Variants in GNAI2 observed in about 807,000 individuals in gnomAD.
The protein encoded by GNAI2 is G protein subunit alpha i2, also known as guanine nucleotide-binding protein G(i) subunit alpha-2.
Under a neutral mutation model 36.8 loss-of-function variants are expected in GNAI2, and 4 were observed. That is an observed-to-expected ratio of 0.11 (90% CI 0.05 to 0.25). GNAI2 has a LOEUF of 0.25. Among genes scored for constraint, GNAI2 ranks in the 10% least tolerant of loss-of-function variants. GNAI2 has a pLI of 1.00. For synonymous variants in GNAI2, 194 were observed against 194.1 expected (o/e 1.00, Z 0.01); for missense variants, 230 against 481.3 (o/e 0.48, Z 4.89).
intron 1 of GNAI2, chr3:50,246,962 C>T (rs1700439067): frequency 6.7e-7 from 1 of 1,502,874 alleles, no homozygotes; most frequent in Non-Finnish European, 8.9e-7. Flanking sequence ...CTGAATCAGC[C>T]TGTTAGCCGC....
Position 50,256,288 on chromosome 3 carries a change from G to A in GNAI2, c.561G>A (p.Glu187=), listed in dbSNP as rs1553703170. 3.1e-6 allele frequency: 5 copies of A among 1,613,614 alleles called. No homozygotes were observed. In the East Asian group the frequency reaches 8.9e-5, roughly 29 times the overall value. The change falls in exon 5 of 9, where the codon GAG becomes GAA. Residue 187 remains glutamate, a synonymous_variant. Transcript: ENST00000313601. The part of the protein sequence containing the change: ...RTRVKTTGIV[E]THFTFKDLHF... ...GCGTAAAGACCACGGGGATCGTGGA[G>A]ACACACTTCACCTTCAAGGACCTAC...
intron 1 of GNAI2, among the ~76,000 whole-genome samples, chr3:50,243,491 A>G (rs1257287048): frequency 6.6e-6 from 1 of 152,192 alleles, no homozygotes; most frequent in Admixed American, 6.5e-5. Context: ...GGGGCGGACA[A>G]AGGATCCCTG....
intron 1 of GNAI2, among the ~76,000 whole-genome samples, chr3:50,237,827 A>T (rs971818028): frequency 6.6e-6 from 1 of 151,592 alleles, no homozygotes; most frequent in Non-Finnish European, 1.5e-5. Flanking sequence ...TGAGAAGTGC[A>T]TGGGGGGGTG....
At chr3:50,244,486 A>G (rs1450984008) in intron 1 of GNAI2, among the ~76,000 whole-genome samples, 1 of 152,206 alleles carries the variant, frequency 6.6e-6, no homozygotes, top group Non-Finnish European at 1.5e-5. Context: ...AGCCTGGGGA[A>G]GGCTCAGAAG....
intron 1 of GNAI2, among the ~76,000 whole-genome samples, chr3:50,246,313 C>T (rs1308771338): frequency 6.6e-6 from 1 of 152,216 alleles, no homozygotes; most frequent in Non-Finnish European, 1.5e-5. Context: ...AAACGCTCCC[C>T]AGTGCTGCCC....
rs2109225249 is a variant in GNAI2, at chr3:50,259,104, G to A, written c.*761G>A. On this transcript the variant is annotated 3_prime_UTR_variant, in exon 9 of 9. Transcript: ENST00000313601. ...GCCCTCCACAGAATTGGGTTCCAAG[G>A]GCTGTTCCAGACAACTGCCAACGTC... The A allele has an allele frequency of 8.2e-6, 3 of 364,504 alleles. No individual in the cohort carries two copies. Among genetic ancestry groups the A allele is most frequent in the South Asian group, 6.3e-5 (3 of 47,828 alleles). 22.6% of individuals were successfully genotyped at this position (364,504 alleles called of 1,614,324 possible).
upstream of GNAI2, among the ~76,000 whole-genome samples, chr3:50,228,550 C>CA (rs587623155): frequency 0.013 from 1,225 of 94,712 alleles, 5 homozygotes; most frequent in Non-Finnish European, 0.02. Flanking sequence ...ACTCCGTCTC[C>CA]AAAAAAAAAA....
chr3:50,236,522 C>T lies in GNAI2; in HGVS notation c.118+69C>T, dbSNP rs1158489552. ...ATCCCCAGACAAGGACTTTGACCTC[C>T]CAGACTAGGGCTTCAAACTCCCAGA... On this transcript the variant is annotated intron_variant, in intron 1 of 8. Transcript: ENST00000313601. The surrounding 1 kb of genome is among the most constrained non-coding windows in gnomAD (Gnocchi z 4.0). 2.6e-6 allele frequency: 4 copies of T among 1,526,534 alleles called. No homozygotes were observed. The African/African-American group carries it at 5.8e-5, about 22-fold the overall frequency. 94.6% of individuals were successfully genotyped at this position (1,526,534 alleles called of 1,614,324 possible).
At chr3:50,228,381 G>A (rs911780300), upstream of GNAI2, among the ~76,000 whole-genome samples, 4 of 151,954 alleles carry the variant, frequency 2.6e-5, no homozygotes, top group South Asian at 4.2e-4. Flanking sequence ...GCAAAACCCC[G>A]TCTCTACCAA....
intron 5 of GNAI2, 87 bp downstream of exon 5, chr3:50,256,407 C>A: frequency 2.3e-6 from 3 of 1,280,400 alleles, no homozygotes; most frequent in Non-Finnish European, 3.4e-6. Context: ...GATCCCCCAG[C>A]CCCACTGAGG....
intron 1 of GNAI2, among the ~76,000 whole-genome samples, chr3:50,250,645 A>G (rs1479846390): frequency 2.0e-5 from 3 of 152,116 alleles, no homozygotes; most frequent in Non-Finnish European, 4.4e-5. Flanking sequence ...GCAGCAAGGG[A>G]GCAAGGTCAA....
upstream of GNAI2, among the ~76,000 whole-genome samples, chr3:50,234,836 G>GC (rs1275861652): frequency 2.0e-5 from 3 of 152,162 alleles, no homozygotes; most frequent in African/African-American, 7.2e-5. Flanking sequence ...TCCAATCGAG[G>GC]GTGGGGCTCT....
rs1700615619 is a variant in GNAI2 at position 50,253,494 on chromosome 3, C to T, written c.464+310C>T. The stretch of plus-strand genomic sequence containing the variant: ...GCGTGGTGGCTCACGCCTGTAATCC[C>T]AGCACTTTGGGAGGCTGAGACAGGC... On this transcript the variant is annotated intron_variant, in intron 4 of 8. Coordinates refer to ENST00000313601, the MANE Select transcript of GNAI2 (RefSeq NM_002070.4). The surrounding 1 kb of genome is among the most constrained non-coding windows in gnomAD (Gnocchi z 4.2). Among the ~76,000 whole-genome samples, 1 of 152,206 alleles carries T rather than the reference C, an allele frequency of 6.6e-6. No homozygotes were observed. The highest frequency in any genetic ancestry group is 1.5e-5 in the Non-Finnish European group (1 of 68,036).
Position 50,258,927 on chromosome 3 carries a change from CT to C in GNAI2, c.*589del. The stretch of plus-strand genomic sequence containing the variant: ...AAAAAAAAACTGCAAATCTAGAAAA[CT>C]TTTTAGAGAAAAACTATTTAAAACT... On this transcript the variant is annotated 3_prime_UTR_variant, in exon 9 of 9. Coordinates refer to ENST00000313601, the MANE Select transcript of GNAI2 (RefSeq NM_002070.4). The C allele has an allele frequency of 2.3e-6, 1 of 443,754 alleles. No homozygotes were observed. Among genetic ancestry groups the C allele is most frequent in the Non-Finnish European group, 4.5e-6 (1 of 223,606 alleles). The allele number at this position is 443,754 out of a possible 1,614,324, so 27.5% of individuals were successfully genotyped here.
chr3:50,249,929 C>T (rs587723386), intron 1 of GNAI2, among the ~76,000 whole-genome samples: 25 of 152,348 alleles, frequency 1.6e-4, no homozygotes, highest in African/African-American at 6.0e-4. Flanking sequence ...TTGTTGAGCA[C>T]TGCAGACATG....
At chr3:50,243,594 G>A (rs1553701394) in intron 1 of GNAI2, among the ~76,000 whole-genome samples, 1 of 152,256 alleles carries the variant, frequency 6.6e-6, no homozygotes, top group East Asian at 1.9e-4. Flanking sequence ...GATAACCACA[G>A]CTGTCTCTGA....
intron 1 of GNAI2, among the ~76,000 whole-genome samples, chr3:50,240,343 G>A (rs1700271536): frequency 6.6e-6 from 1 of 152,280 alleles, no homozygotes; most frequent in Middle Eastern, 3.4e-3. Flanking sequence ...GGACCAACTC[G>A]ACAAGAACAC....
Position 50,256,851 on chromosome 3 carries a change from T to C in GNAI2, c.722T>C (p.Met241Thr). ...YDLVLAEDEE[M>T]NRMHESMKLF... Reference sequence around the variant, plus strand: ...TTGGTGCTAGCTGAGGACGAGGAGATGGTGAGAGGATGAGAGAATGCTGCG... The same window carrying C: ...TTGGTGCTAGCTGAGGACGAGGAGACGGTGAGAGGATGAGAGAATGCTGCG... Residue 241 changes from methionine (M) to threonine (T), a missense_variant and splice_region_variant, in exon 6 of 9, where the codon ATG (methionine) becomes ACG (threonine). Met to Thr is a moderately conservative substitution (Grantham distance 81). Coordinates refer to ENST00000313601, the MANE Select transcript of GNAI2 (RefSeq NM_002070.4). The C allele has an allele frequency of 6.2e-7, 1 of 1,614,076 alleles. No homozygotes were observed. Among genetic ancestry groups the C allele is most frequent in the Non-Finnish European group, 8.5e-7 (1 of 1,179,970 alleles).
chr3:50,233,529 G>A (rs1408159968), upstream of GNAI2, among the ~76,000 whole-genome samples: 3 of 152,214 alleles, frequency 2.0e-5, no homozygotes, highest in African/African-American at 4.8e-5. Flanking sequence ...GTCTGTGCGT[G>A]GACAGATTGT....
Sources: gnomAD v4.1 joint callset for allele counts (sites outside exome capture counted in the v4.1 genomes callset) on GRCh38, gnomAD v4.1.1 for gene constraint, Gnocchi (gnomAD v3.1) non-coding constraint, MANE v1.5 for transcripts, NCBI Gene and HGNC (gene_info 2026-07-23, HGNC 2026-07-21) for gene names.